The following WWOX variants were observed in gnomAD, a reference collection of about 807,000 sequenced individuals.
WWOX encodes the protein WW domain containing oxidoreductase, also known as WW domain-containing oxidoreductase.
WWOX carries 69 observed loss-of-function variants against 46.2 expected under a neutral mutation model. The observed-to-expected ratio is 1.49, with a 90% CI of 1.23 to 1.82. The LOEUF is 1.82. WWOX is among the 40% of genes most tolerant of loss of function. The probability of loss-of-function intolerance (pLI) is 0.00; values close to 1 mark genes in which losing one functional copy is unlikely to be tolerated. For missense variants in WWOX, 919 were observed against 542.6 expected, an observed-to-expected ratio of 1.69 and a Z score of -6.89; for synonymous variants, 359 against 202.6, an observed-to-expected ratio of 1.77 and a Z score of -6.56.
chr16:78,437,893 C>T (rs139869213), intron 8 of WWOX, among the ~76,000 whole-genome samples: 340 of 152,252 alleles, frequency 2.2e-3, no homozygotes, highest in Middle Eastern at 3.4e-3. Context: ...TGCACCTGCA[C>T]GCATTAATGT....
At chr16:78,202,048 C>G (rs1012394411) in intron 5 of WWOX, among the ~76,000 whole-genome samples, 2 of 152,084 alleles carry the variant, frequency 1.3e-5, no homozygotes, top group Non-Finnish European at 2.9e-5. Flanking sequence ...CTACTTGTAA[C>G]CACCCCTTTC....
intron 5 of WWOX, among the ~76,000 whole-genome samples, chr16:78,266,485 G>A (rs939433383): frequency 1.3e-5 from 2 of 152,078 alleles, no homozygotes; most frequent in African/African-American, 2.4e-5. Flanking sequence ...TCATCTCCAC[G>A]TCTGCCTTTG....
intron 5 of WWOX, among the ~76,000 whole-genome samples, chr16:78,379,145 G>A (rs1240520433): frequency 6.6e-6 from 1 of 152,140 alleles, no homozygotes; most frequent in East Asian, 1.9e-4. Context: ...ATGAAAACAA[G>A]CATGTCATCA....
chr16:78,459,419 T>G (rs1299296105), intron 8 of WWOX, among the ~76,000 whole-genome samples: 1 of 152,238 alleles, frequency 6.6e-6, no homozygotes, highest in African/African-American at 2.4e-5. Context: ...TCATCTTTCA[T>G]CAAGAGAAGC....
chr16:78,731,377 C>A (rs1332107998), intron 8 of WWOX, among the ~76,000 whole-genome samples: 1 of 152,114 alleles, frequency 6.6e-6, no homozygotes, highest in Non-Finnish European at 1.5e-5. Context: ...TGCATGACTT[C>A]AAAGATGCAC....
At chr16:78,856,943 C>T (rs1334239282) in intron 8 of WWOX, among the ~76,000 whole-genome samples, 2 of 152,114 alleles carry the variant, frequency 1.3e-5, no homozygotes, top group East Asian at 1.9e-4. Context: ...CATATTGCTC[C>T]CTGGCAGCAA....
At chr16:78,431,935 T>C (rs182960229) in intron 7 of WWOX, among the ~76,000 whole-genome samples, 2 of 152,234 alleles carry the variant, frequency 1.3e-5, no homozygotes, top group Admixed American at 6.5e-5. Context: ...AAGCTGGTCT[T>C]GAACTCCTAC....
chr16:79,014,344 T>C (rs2047371328), intron 8 of WWOX, among the ~76,000 whole-genome samples: 1 of 152,172 alleles, frequency 6.6e-6, no homozygotes, highest in Non-Finnish European at 1.5e-5. Context: ...GGCAGTGACA[T>C]GTTATTAATG....
chr16:78,360,323 T>G (rs1446067231), intron 5 of WWOX, among the ~76,000 whole-genome samples: 1 of 152,070 alleles, frequency 6.6e-6, no homozygotes, highest in African/African-American at 2.4e-5. Flanking sequence ...CAGTGGCTCA[T>G]GCCTGTAATC....
chr16:78,967,749 A>G (rs561805064), intron 8 of WWOX, among the ~76,000 whole-genome samples: 20 of 152,288 alleles, frequency 1.3e-4, no homozygotes, highest in African/African-American at 4.6e-4. Flanking sequence ...AGGAGGACTC[A>G]GAAGCTGGAG....
intron 8 of WWOX, among the ~76,000 whole-genome samples, chr16:79,164,391 AT>A (rs1302555336): frequency 2.6e-5 from 4 of 151,816 alleles, no homozygotes. Flanking sequence ...ATAAGAAGCC[AT>A]TTTTTCCCCG....
chr16:78,954,821 G>A (rs892701384), intron 8 of WWOX, among the ~76,000 whole-genome samples: 9 of 152,008 alleles, frequency 5.9e-5, no homozygotes, highest in South Asian at 2.1e-4. Context: ...ACAGAGTCTC[G>A]TTCTGTCACT....
At chr16:79,056,731 C>T (rs370740569) in intron 8 of WWOX, among the ~76,000 whole-genome samples, 8 of 152,182 alleles carry the variant, frequency 5.3e-5, no homozygotes, top group South Asian at 4.1e-4. Flanking sequence ...TCTTCTCTAC[C>T]GTATCCCTTT....
chr16:78,542,635 C>G (rs1250027180), intron 8 of WWOX, among the ~76,000 whole-genome samples: 1 of 152,174 alleles, frequency 6.6e-6, no homozygotes, highest in African/African-American at 2.4e-5. Flanking sequence ...TTGCGTAATG[C>G]ACCCAGCAGA....
Position 78,815,953 on chromosome 16 carries a change from C to T in WWOX, c.1056+383201C>T, listed in dbSNP as rs140612001. 4.8e-3 allele frequency among the ~76,000 whole-genome samples: 728 copies of T among 152,246 alleles called. 3 individuals are homozygous for T. Among genetic ancestry groups the T allele is most frequent in the Middle Eastern group, 0.02 (6 of 294 alleles). On this transcript the variant is annotated intron_variant, in intron 8 of 8. Coordinates refer to ENST00000566780, the MANE Select transcript of WWOX (RefSeq NM_016373.4). ...CTGGCCCTGCTCTCTCTCGATGTTC[C>T]CAAGTCTCCTGGGTGACCTTGTGTG... is the stretch of plus-strand genomic sequence containing the variant.
chr16:79,082,629 A>G (rs973609683), intron 8 of WWOX, among the ~76,000 whole-genome samples: 1 of 152,144 alleles, frequency 6.6e-6, no homozygotes, highest in South Asian at 2.1e-4. Context: ...ATTTCATCCT[A>G]TACCTATAGT....
At chr16:78,643,744 C>T (rs780385042) in intron 8 of WWOX, among the ~76,000 whole-genome samples, 22 of 151,602 alleles carry the variant, frequency 1.5e-4, no homozygotes, top group Non-Finnish European at 2.8e-4. Context: ...AAGCCCTAGA[C>T]TTCTTGTGCC....
Position 78,338,329 on chromosome 16 carries a change from T to G in WWOX, c.517-48531T>G, listed in dbSNP as rs1289687676. ...CTCATGGATTCCCAGCTGCTGAGAG[T>G]TTGAATAGTATGTGAAGTCTGTAGA... On this transcript the variant is annotated intron_variant, in intron 5 of 8. Transcript: ENST00000566780. Among the ~76,000 whole-genome samples, 8 of 121,066 alleles carry G rather than the reference T, an allele frequency of 6.6e-5. 3 individuals are homozygous for G. The highest frequency in any genetic ancestry group is 1.6e-4 in the Non-Finnish European group (8 of 50,626). 79.4% of individuals were successfully genotyped at this position (121,066 alleles called of 152,430 possible).
At chr16:78,676,513 A>T (rs1641907216) in intron 8 of WWOX, among the ~76,000 whole-genome samples, 1 of 152,158 alleles carries the variant, frequency 6.6e-6, no homozygotes, top group African/African-American at 2.4e-5. Flanking sequence ...ATCACCAGGA[A>T]AGCACATTGT....
Sources: allele counts gnomAD v4.1 joint callset (sites outside exome capture counted in the v4.1 genomes callset), GRCh38; gene constraint gnomAD v4.1.1; transcripts MANE v1.5; gene names NCBI Gene and HGNC (gene_info 2026-07-23, HGNC 2026-07-21).